Variants in MIPEP observed in about 807,000 individuals in gnomAD.
MIPEP encodes mitochondrial intermediate peptidase.
Under a neutral mutation model 90.3 loss-of-function variants are expected in MIPEP, and 79 were observed. The ratio of observed to expected loss-of-function variants is 0.87; its 90% CI spans 0.73 to 1.05. The LOEUF (loss-of-function observed/expected upper bound fraction) is 1.05, where lower values mean the gene tolerates loss of function less well. Among genes scored for constraint, MIPEP ranks in the 50% least tolerant of loss-of-function variants. The probability of loss-of-function intolerance (pLI) is 0.00; values close to 1 mark genes in which losing one functional copy is unlikely to be tolerated. For missense variants in MIPEP, 940 were observed against 905.6 expected (o/e 1.04, Z -0.49); for synonymous variants, 334 against 315.8 (o/e 1.06, Z -0.61).
chr13:23,790,850 C>T (rs1174609805), intron 16 of MIPEP, among the ~76,000 whole-genome samples: 1 of 152,200 alleles, frequency 6.6e-6, no homozygotes, highest in Non-Finnish European at 1.5e-5. Context: ...GCAACTAATA[C>T]TCTGGCCTCT....
intron 16 of MIPEP, among the ~76,000 whole-genome samples, chr13:23,800,965 T>C (rs1953031469): frequency 6.6e-6 from 1 of 152,230 alleles, no homozygotes; most frequent in African/African-American, 2.4e-5. Flanking sequence ...ATTAATGCAC[T>C]TAAAGAATTG....
chr13:23,774,408 A>T (rs531196854), intron 16 of MIPEP, among the ~76,000 whole-genome samples: 1 of 152,254 alleles, frequency 6.6e-6, no homozygotes, highest in Admixed American at 6.5e-5. Flanking sequence ...CATTTCCGTG[A>T]GAAATTTTAT....
chr13:23,730,288 G>T lies in MIPEP; in HGVS notation c.*60C>A. 1 of 1,089,526 alleles carries T rather than the reference G, an allele frequency of 9.2e-7. No homozygotes were observed. Among genetic ancestry groups the T allele is most frequent in the Non-Finnish European group, 1.4e-6 (1 of 722,642 alleles). 67.5% of individuals were successfully genotyped at this position (1,089,526 alleles called of 1,614,324 possible). On this transcript the variant is annotated 3_prime_UTR_variant, in exon 19 of 19. Coordinates refer to ENST00000382172, the MANE Select transcript of MIPEP (RefSeq NM_005932.4). The stretch of plus-strand genomic sequence containing the variant: ...TCAGAAACAAGCTCTCACAGCTGTA[G>T]CATTTATAACAAAGTCATTATCTAC...
chr13:23,802,062 C>T (rs920120605), intron 16 of MIPEP, among the ~76,000 whole-genome samples: 2 of 152,092 alleles, frequency 1.3e-5, no homozygotes, highest in East Asian at 3.8e-4. Flanking sequence ...CCAATTTGCT[C>T]TCCTACCTGC....
At chr13:23,797,575 G>T (rs1952977151) in intron 16 of MIPEP, among the ~76,000 whole-genome samples, 1 of 152,122 alleles carries the variant, frequency 6.6e-6, no homozygotes, top group Non-Finnish European at 1.5e-5. Flanking sequence ...TCTGCTGGCT[G>T]CCGTGAACCT....
intron 13 of MIPEP, 46 bp downstream of exon 13, chr13:23,837,506 T>C (rs766441016): frequency 2.9e-6 from 4 of 1,379,136 alleles, no homozygotes; most frequent in African/African-American, 1.4e-5. Flanking sequence ...AGAAAATGTA[T>C]GTTTGTAAAG....
intron 14 of MIPEP, among the ~76,000 whole-genome samples, chr13:23,829,712 CAGG>C (rs2137441787): frequency 1.3e-5 from 2 of 152,160 alleles, no homozygotes; most frequent in East Asian, 3.9e-4. Flanking sequence ...GTGGCTGAGG[CAGG>C]AGGACTGCTT....
chr13:23,804,625 T>A (rs1449592852), intron 16 of MIPEP, among the ~76,000 whole-genome samples: 1 of 152,182 alleles, frequency 6.6e-6, no homozygotes, highest in East Asian at 1.9e-4. Flanking sequence ...AGCAGATAAT[T>A]AAGGTTCTAA....
At chr13:23,786,231 A>T (rs573871843) in intron 16 of MIPEP, among the ~76,000 whole-genome samples, 1 of 152,346 alleles carries the variant, frequency 6.6e-6, no homozygotes, top group African/African-American at 2.4e-5. Flanking sequence ...GTATCTTAAA[A>T]AAGACAAGAA....
intron 14 of MIPEP, among the ~76,000 whole-genome samples, chr13:23,830,592 T>C (rs1376467558): frequency 6.6e-6 from 1 of 152,230 alleles, no homozygotes; most frequent in Non-Finnish European, 1.5e-5. Context: ...CATCTCTTTC[T>C]GCTCTAATCA....
At chr13:23,735,524 A>C (rs778126862) in intron 18 of MIPEP, among the ~76,000 whole-genome samples, 12 of 152,180 alleles carry the variant, frequency 7.9e-5, no homozygotes, top group Non-Finnish European at 1.8e-4. Context: ...CAACTCAACA[A>C]ACTGCCAATA....
chr13:23,812,612 C>T (rs1307909210), intron 14 of MIPEP, among the ~76,000 whole-genome samples: 1 of 152,094 alleles, frequency 6.6e-6, no homozygotes, highest in South Asian at 2.1e-4. Flanking sequence ...CTCACTCTCC[C>T]CGTCCCTCGC....
In MIPEP at chr13:23,760,071, G is replaced by A. The variant is rs773876682; in HGVS notation, c.1970+25C>T. 4.8e-5 allele frequency: 77 copies of A among 1,613,800 alleles called. No individual in the cohort carries two copies. In the South Asian group the frequency reaches 8.0e-4, roughly 17 times the overall value. On this transcript the variant is annotated intron_variant, in intron 17 of 18. Transcript: ENST00000382172. ...GGGAATTACTGTGGTCCAAGATGGG[G>A]ACATTTTAGAACTTACCCCCTTACC...
chr13:23,775,610 T>C (rs1422192347), intron 16 of MIPEP, among the ~76,000 whole-genome samples: 1 of 151,980 alleles, frequency 6.6e-6, no homozygotes, highest in East Asian at 1.9e-4. Context: ...ATATATGTTT[T>C]ACTTACCAAA....
chr13:23,887,852 T>C (rs9578654), intron 1 of MIPEP, among the ~76,000 whole-genome samples: 1 of 151,992 alleles, frequency 6.6e-6, no homozygotes, highest in African/African-American at 2.4e-5. Context: ...AAAAATAAAA[T>C]AAAAGAAAGT....
intron 16 of MIPEP, among the ~76,000 whole-genome samples, chr13:23,786,928 C>T (rs1489130847): frequency 5.3e-5 from 8 of 152,268 alleles, no homozygotes; most frequent in Admixed American, 4.6e-4. Flanking sequence ...AAGGAGTACA[C>T]AATCTTGAAC....
At chr13:23,827,143 C>G (rs1227421911) in intron 14 of MIPEP, among the ~76,000 whole-genome samples, 4 of 135,580 alleles carry the variant, frequency 3.0e-5, no homozygotes, top group Admixed American at 1.6e-4. Flanking sequence ...AGTAGTGGCC[C>G]AGGAACCAAT....
rs550640499 is a variant in MIPEP at position 23,840,078 on chromosome 13, T to C, written c.1261-352A>G. 1.8e-4 allele frequency among the ~76,000 whole-genome samples: 28 copies of C among 152,308 alleles called. No individual in the cohort carries two copies. The South Asian group carries it at 5.0e-3, about 27-fold the overall frequency. ...AGCAAATTATTTTTCCTTCAAATCC[T>C]GGAATGTCGTGATATACGCCCAAGC... On this transcript the variant is annotated intron_variant, in intron 11 of 18. Coordinates refer to ENST00000382172, the MANE Select transcript of MIPEP (RefSeq NM_005932.4).
intron 9 of MIPEP, among the ~76,000 whole-genome samples, chr13:23,859,452 G>A (rs1395581796): frequency 6.6e-6 from 1 of 152,138 alleles, no homozygotes; most frequent in Non-Finnish European, 1.5e-5. Context: ...TTGATGATTG[G>A]CACATAATAC....
Sources: allele counts gnomAD v4.1 joint callset (sites outside exome capture counted in the v4.1 genomes callset), GRCh38; gene constraint gnomAD v4.1.1; transcripts MANE v1.5; gene names NCBI Gene and HGNC (gene_info 2026-07-23, HGNC 2026-07-21).